Variants in USP13 observed in about 807,000 individuals in gnomAD.
The protein encoded by USP13 is ubiquitin specific peptidase 13.
Under a neutral mutation model 107.8 loss-of-function variants are expected in USP13, and 68 were observed. The ratio of observed to expected loss-of-function variants is 0.63; its 90% CI spans 0.52 to 0.77. The LOEUF (loss-of-function observed/expected upper bound fraction) is 0.77, where lower values mean the gene tolerates loss of function less well. Ranked by LOEUF, USP13 falls within the 30% of genes least tolerant of loss-of-function variation. The pLI, the probability that USP13 is intolerant of heterozygous loss-of-function variation, is 0.00. For synonymous variants in USP13, 377 were observed against 389.5 expected (o/e 0.97, Z 0.38); for missense variants, 945 against 1,093.3 (o/e 0.86, Z 1.91).
At chr3:179,699,216 A>G (rs1440647565) in intron 3 of USP13, among the ~76,000 whole-genome samples, 2 of 152,218 alleles carry the variant, frequency 1.3e-5, no homozygotes, top group Non-Finnish European at 2.9e-5. Context: ...TTAAAAAAAT[A>G]TAAATATTGA....
In USP13 at chr3:179,681,763, G is replaced by A. The variant is rs978777495; in HGVS notation, c.169-115G>A. On this transcript the variant is annotated intron_variant, in intron 1 of 20. Coordinates refer to ENST00000263966, the MANE Select transcript of USP13 (RefSeq NM_003940.3). Reference sequence around the variant, plus strand: ...GTAGGGTATCACAGCAGGAGCCTCGGTGGCCCTTTGCCAGGCCTCGTCTTC... The same window carrying A: ...GTAGGGTATCACAGCAGGAGCCTCGATGGCCCTTTGCCAGGCCTCGTCTTC... The A allele has an allele frequency of 3.0e-6, 4 of 1,351,806 alleles. No homozygotes were observed. In the African/African-American group the frequency reaches 5.9e-5, roughly 20 times the overall value. The allele number at this position is 1,351,806 out of a possible 1,614,324, so 83.7% of individuals were successfully genotyped here.
chr3:179,760,072 C>T (rs1202222239), intron 16 of USP13, among the ~76,000 whole-genome samples: 3 of 152,062 alleles, frequency 2.0e-5, no homozygotes, highest in African/African-American at 7.2e-5. Flanking sequence ...TAGTAGAGTC[C>T]TCAGGACATG....
chr3:179,706,398 A>G (rs887268394), intron 4 of USP13, among the ~76,000 whole-genome samples: 1 of 152,146 alleles, frequency 6.6e-6, no homozygotes, highest in African/African-American at 2.4e-5. Flanking sequence ...ATGTGGACTA[A>G]TCTGGCACAG....
rs565731474 is a variant in USP13, at chr3:179,775,635, G to A, written c.2414-6104G>A. On this transcript the variant is annotated intron_variant, in intron 19 of 20. Transcript: ENST00000263966. ...CCACGGTGGGGGCTCAGGCATGGCA[G>A]GCTGCAGGTCCCAAGGCCTGCCCTG... Among the ~76,000 whole-genome samples the A allele has an allele frequency of 2.0e-5, 3 of 152,324 alleles. No individual in the cohort carries two copies. The East Asian group carries it at 5.8e-4, about 29-fold the overall frequency.
At chr3:179,708,550 A>C (rs1712805954) in intron 5 of USP13, among the ~76,000 whole-genome samples, 1 of 152,058 alleles carries the variant, frequency 6.6e-6, no homozygotes, top group South Asian at 2.1e-4. Context: ...TCCTGACCTC[A>C]GTTGATGTGC....
intron 6 of USP13, among the ~76,000 whole-genome samples, chr3:179,713,326 A>T (rs2108487316): frequency 6.6e-6 from 1 of 152,260 alleles, no homozygotes; most frequent in Middle Eastern, 3.4e-3. Context: ...TTTTCTGTCT[A>T]ATTGTAATTT....
intron 9 of USP13, 140 bp from the exon 10 acceptor site, chr3:179,730,472 CAAAT>C: frequency 1.2e-6 from 1 of 848,462 alleles, no homozygotes; most frequent in South Asian, 1.9e-5. Context: ...GAAGCAGAAT[CAAAT>C]AAATAAGTTA....
intron 19 of USP13, 98 bp from the exon 20 acceptor site, chr3:179,781,641 G>A: frequency 2.0e-6 from 2 of 1,003,500 alleles, no homozygotes; most frequent in Non-Finnish European, 3.0e-6. Flanking sequence ...AATCTAAACA[G>A]TTGCTGGATT....
intron 10 of USP13, among the ~76,000 whole-genome samples, chr3:179,733,162 C>A (rs1713865798): frequency 6.6e-6 from 1 of 152,150 alleles, no homozygotes; most frequent in Admixed American, 6.5e-5. Context: ...GACCCTTGAT[C>A]TAGATGACTT....
At chr3:179,691,885 G>A (rs1488051499) in intron 3 of USP13, among the ~76,000 whole-genome samples, 1 of 152,016 alleles carries the variant, frequency 6.6e-6, no homozygotes, top group Non-Finnish European at 1.5e-5. Flanking sequence ...TTTCTCAAGC[G>A]AAAAAGTGGT....
chr3:179,758,267 G>A lies in USP13; in HGVS notation c.1948+1189G>A, dbSNP rs778033356. Reference sequence around the variant, plus strand: ...GGCATGTGAGAGGTTTGCTGGTTGCGCCTGATGCTGTGGAGAGCTGGCCTG... The same window carrying A: ...GGCATGTGAGAGGTTTGCTGGTTGCACCTGATGCTGTGGAGAGCTGGCCTG... On this transcript the variant is annotated intron_variant, in intron 16 of 20. Coordinates refer to ENST00000263966, the MANE Select transcript of USP13 (RefSeq NM_003940.3). Among the ~76,000 whole-genome samples the A allele has an allele frequency of 5.3e-5, 8 of 152,038 alleles. 1 individual carries two copies. Among genetic ancestry groups the A allele is most frequent in the South Asian group, 4.1e-4 (2 of 4,820 alleles).
chr3:179,732,205 G>A (rs1713832593), intron 10 of USP13, among the ~76,000 whole-genome samples: 1 of 152,206 alleles, frequency 6.6e-6, no homozygotes, highest in African/African-American at 2.4e-5. Flanking sequence ...GAGGCTGGAA[G>A]GCTCCCATCT....
In USP13 at chr3:179,786,426, CT is replaced by C. The variant is rs1715916722; in HGVS notation, c.*2286del. The C allele has an allele frequency of 1.3e-5, 2 of 152,114 alleles. No homozygotes were observed. Among genetic ancestry groups the C allele is most frequent in the African/African-American group, 4.8e-5 (2 of 41,432 alleles). 9.4% of individuals were successfully genotyped at this position (152,114 alleles called of 1,614,324 possible). ...AGTGATGTAAAATCAATATTTAAGA[CT>C]ATAGGCTATAAATTGTTTGATTTCA... On this transcript the variant is annotated 3_prime_UTR_variant, in exon 21 of 21. Transcript: ENST00000263966.
At chr3:179,687,049 A>G (rs1711898419) in intron 2 of USP13, among the ~76,000 whole-genome samples, 1 of 152,188 alleles carries the variant, frequency 6.6e-6, no homozygotes, top group African/African-American at 2.4e-5. Flanking sequence ...ATTTTTGTTT[A>G]ACCACTTTCT....
chr3:179,709,414 A>T (rs1485521329), intron 6 of USP13, among the ~76,000 whole-genome samples: 1 of 152,228 alleles, frequency 6.6e-6, no homozygotes, highest in Non-Finnish European at 1.5e-5. Context: ...TGGATTAATT[A>T]TGGAGAATAT....
intron 8 of USP13, among the ~76,000 whole-genome samples, chr3:179,726,099 G>C (rs1198920572): frequency 6.6e-6 from 1 of 152,124 alleles, no homozygotes; most frequent in Non-Finnish European, 1.5e-5. Context: ...AGATGGTAGG[G>C]AGTGAGGAAG....
chr3:179,707,200 A>T, intron 5 of USP13, 124 bp downstream of exon 5: 3 of 1,279,386 alleles, frequency 2.3e-6, no homozygotes, highest in Non-Finnish European at 3.2e-6. Context: ...TATTAAAAGT[A>T]AATATAAAAC....
At chr3:179,682,813 G>A (rs543718854) in intron 2 of USP13, among the ~76,000 whole-genome samples, 1 of 152,300 alleles carries the variant, frequency 6.6e-6, no homozygotes, top group South Asian at 2.1e-4. Flanking sequence ...ATGTGCCAGA[G>A]TTCTTCAGGA....
intron 1 of USP13, among the ~76,000 whole-genome samples, chr3:179,671,454 A>G (rs1384479862): frequency 6.6e-6 from 1 of 152,212 alleles, no homozygotes; most frequent in East Asian, 1.9e-4. Flanking sequence ...AGGAAGAAAA[A>G]AAATTCCCAC....
Sources: allele counts gnomAD v4.1 joint callset (sites outside exome capture counted in the v4.1 genomes callset), GRCh38; gene constraint gnomAD v4.1.1; transcripts MANE v1.5; gene names NCBI Gene and HGNC (gene_info 2026-07-23, HGNC 2026-07-21).